KIF15: variants seen among roughly 807,000 people sequenced by gnomAD.
The protein encoded by KIF15 is kinesin family member 15, also known as kinesin-like protein KIF15.
KIF15 carries 140 observed loss-of-function variants against 190.6 expected under a neutral mutation model. The observed-to-expected ratio is 0.73, with a 90% CI of 0.64 to 0.84. The LOEUF (loss-of-function observed/expected upper bound fraction) is 0.84. KIF15 is among the 40% of genes least tolerant of loss of function. The probability of loss-of-function intolerance (pLI) is 0.00; values close to 1 mark genes in which losing one functional copy is unlikely to be tolerated. For missense variants in KIF15, 1,372 were observed against 1,584.4 expected, an observed-to-expected ratio of 0.87 and a Z score of 2.28; for synonymous variants, 528 against 551.3, an observed-to-expected ratio of 0.96 and a Z score of 0.59.
intron 30 of KIF15, among the ~76,000 whole-genome samples, chr3:44,846,675 G>A (rs1698861208): frequency 6.6e-6 from 1 of 151,268 alleles, no homozygotes; most frequent in African/African-American, 2.4e-5. Flanking sequence ...TCAGGAGGCT[G>A]AGGCAGGAGA....
chr3:44,780,696 G>A (rs1229126992), intron 4 of KIF15, among the ~76,000 whole-genome samples, 189 bp from the exon 5 acceptor site: 1 of 152,160 alleles, frequency 6.6e-6, no homozygotes, highest in African/African-American at 2.4e-5. Flanking sequence ...CCAATTAACA[G>A]CAGTTAGCTC....
rs1489335976 is a variant in KIF15, at chr3:44,810,951, A to G, written c.2077A>G (p.Ile693Val). Residue 693 changes from isoleucine (I) to valine (V), a missense_variant, in exon 17 of 35, where the codon ATA (isoleucine) becomes GTA (valine). Ile to Val is a conservative substitution (Grantham distance 29). Coordinates refer to ENST00000326047, the MANE Select transcript of KIF15 (RefSeq NM_020242.3). ...FGSLYTQNSSILDNDILNEPV... is the reference protein window; with the variant it reads ...FGSLYTQNSSVLDNDILNEPV... ...CTCTCTATACACTCAGAATTCTAGC[A>G]TATTAGATAATGATATATTAAATGA... is the stretch of plus-strand genomic sequence containing the variant. 1 of 1,613,642 alleles carries G rather than the reference A, an allele frequency of 6.2e-7. No homozygotes were observed. Among genetic ancestry groups the G allele is most frequent in the South Asian group, 1.1e-5 (1 of 90,972 alleles).
At chr3:44,807,704 G>A (rs1369266617) in intron 16 of KIF15, among the ~76,000 whole-genome samples, 1 of 151,998 alleles carries the variant, frequency 6.6e-6, no homozygotes, top group African/African-American at 2.4e-5. Context: ...GGGTGTGTGT[G>A]TGTGTGTGTG....
intron 19 of KIF15, 67 bp from the exon 20 acceptor site, chr3:44,814,844 A>T: frequency 7.7e-7 from 1 of 1,295,368 alleles, no homozygotes; most frequent in Non-Finnish European, 1.1e-6. Context: ...TTGTGGGACT[A>T]GTACCTATCA....
intron 8 of KIF15, among the ~76,000 whole-genome samples, chr3:44,796,965 A>G (rs1707020025): frequency 1.3e-5 from 2 of 152,108 alleles, no homozygotes; most frequent in Non-Finnish European, 1.5e-5. Context: ...CTCGGTTTCA[A>G]ACTATTACAA....
intron 4 of KIF15, among the ~76,000 whole-genome samples, chr3:44,778,479 A>G (rs1706001782): frequency 6.6e-6 from 1 of 152,112 alleles, no homozygotes; most frequent in African/African-American, 2.4e-5. Context: ...TTTATCTTCA[A>G]AACCAACAAC....
At chr3:44,788,759 C>T (rs1575594732) in intron 7 of KIF15, among the ~76,000 whole-genome samples, 2 of 152,250 alleles carry the variant, frequency 1.3e-5, no homozygotes, top group East Asian at 3.9e-4. Context: ...TTCTCTTTGT[C>T]TTGTTTTATT....
At chr3:44,830,804 G>T in intron 25 of KIF15, 92 bp from the exon 26 acceptor site, 1 of 1,258,368 alleles carries the variant, frequency 7.9e-7, no homozygotes, top group Non-Finnish European at 1.1e-6. Flanking sequence ...TGTTAATCTT[G>T]TCATCACCTT....
chr3:44,789,931 C>A (rs1706603273), intron 7 of KIF15, among the ~76,000 whole-genome samples: 1 of 151,880 alleles, frequency 6.6e-6, no homozygotes, highest in African/African-American at 2.4e-5. Context: ...GTCAACTATA[C>A]ATTTATTTTA....
At chr3:44,856,889 G>A (rs961364691), downstream of KIF15, among the ~76,000 whole-genome samples, 6 of 152,168 alleles carry the variant, frequency 3.9e-5, no homozygotes, top group African/African-American at 7.2e-5. Context: ...ATACTGACAC[G>A]TAGTCCTTTT....
Position 44,800,410 on chromosome 3 carries a change from A to G in KIF15, c.1195A>G (p.Thr399Ala), listed in dbSNP as rs200736859. Reference sequence around the variant, plus strand: ...ACTGGCGGAGCTTGCTTCAGGACAGACACCACCAGAAAGCTTCCTGACCAG... The same window carrying G: ...ACTGGCGGAGCTTGCTTCAGGACAGGCACCACCAGAAAGCTTCCTGACCAG... ...EQLAELASGQ[T>A]PPESFLTRDK... Residue 399 changes from threonine (T) to alanine (A), a missense_variant, in exon 11 of 35, where the codon ACA becomes GCA. By Grantham distance (58) the Thr-to-Ala change is moderately conservative. Coordinates refer to ENST00000326047, the MANE Select transcript of KIF15 (RefSeq NM_020242.3). The G allele has an allele frequency of 1.9e-6, 3 of 1,614,170 alleles. No homozygotes were observed.
At chr3:44,866,114 C>A (rs1189632124) in intron 6 of KIF15, among the ~76,000 whole-genome samples, 2 of 150,668 alleles carry the variant, frequency 1.3e-5, no homozygotes, top group African/African-American at 4.9e-5. Context: ...GCTCTGTCAC[C>A]CAGGCTGGAG....
intron 16 of KIF15, among the ~76,000 whole-genome samples, chr3:44,810,045 C>G (rs1707719829): frequency 6.6e-6 from 1 of 152,118 alleles, no homozygotes; most frequent in African/African-American, 2.4e-5. Context: ...CCAGCCTGGG[C>G]AACAGAACAA....
intron 1 of KIF15, among the ~76,000 whole-genome samples, chr3:44,773,485 C>T (rs1014609878): frequency 3.3e-5 from 5 of 152,298 alleles, no homozygotes; most frequent in Admixed American, 6.5e-5. Flanking sequence ...GTCCATCCTA[C>T]GCATGAGCCT....
chr3:44,807,870 G>C (rs1049696090), intron 16 of KIF15, among the ~76,000 whole-genome samples: 17 of 151,734 alleles, frequency 1.1e-4, no homozygotes, highest in African/African-American at 3.6e-4. Context: ...AAAATGCTGG[G>C]TTTTTTCCTA....
intron 3 of KIF15, among the ~76,000 whole-genome samples, chr3:44,777,789 T>G (rs541429419): frequency 6.6e-6 from 1 of 152,234 alleles, no homozygotes; most frequent in Non-Finnish European, 1.5e-5. Context: ...AGGTATTGAC[T>G]GTTCAGTGCA....
At chr3:44,857,764 C>A (rs1036662087), downstream of KIF15, among the ~76,000 whole-genome samples, 3 of 152,138 alleles carry the variant, frequency 2.0e-5, no homozygotes, top group African/African-American at 7.2e-5. Context: ...TTTGAGAGAT[C>A]AGTCAGACAT....
At chr3:44,821,698 C>T (rs1043407591) in intron 20 of KIF15, among the ~76,000 whole-genome samples, 5 of 152,152 alleles carry the variant, frequency 3.3e-5, no homozygotes, top group African/African-American at 9.7e-5. Context: ...CAGGCAGAGA[C>T]GCTCCTCACT....
At chr3:44,790,725 G>GCT (rs1437994772) in intron 7 of KIF15, among the ~76,000 whole-genome samples, 1 of 117,846 alleles carries the variant, frequency 8.5e-6, no homozygotes, top group African/African-American at 3.4e-5. Context: ...TTTGAGTCTC[G>GCT]CTCTGTCGCC....
Sources: allele counts gnomAD v4.1 joint callset (sites outside exome capture counted in the v4.1 genomes callset), GRCh38; gene constraint gnomAD v4.1.1; transcripts MANE v1.5; gene names NCBI Gene and HGNC (gene_info 2026-07-23, HGNC 2026-07-21).